The following FAT2 variants were observed in gnomAD, a reference collection of about 807,000 sequenced individuals.
FAT2 encodes the protein protocadherin Fat 2.
FAT2 carries 150 observed loss-of-function variants against 295.3 expected under a neutral mutation model. The observed-to-expected ratio is 0.51, with a 90% CI of 0.44 to 0.58. The LOEUF (loss-of-function observed/expected upper bound fraction) is 0.58, where lower values mean the gene tolerates loss of function less well. Among genes scored for constraint, FAT2 ranks in the 20% least tolerant of loss-of-function variants. The pLI is 0.00. For synonymous variants in FAT2, 2,026 were observed against 2,150.3 expected, an observed-to-expected ratio of 0.94 and a Z score of 1.60; for missense variants, 4,868 against 5,442.7, an observed-to-expected ratio of 0.89 and a Z score of 3.32.
intron 3 of FAT2, among the ~76,000 whole-genome samples, chr5:151,557,626 T>G (rs750017551): frequency 6.6e-6 from 1 of 152,240 alleles, no homozygotes; most frequent in Non-Finnish European, 1.5e-5. Flanking sequence ...ATTACATTAT[T>G]CCAACACTGG....
chr5:151,550,452 C>T, intron 8 of FAT2, 138 bp downstream of exon 8: 2 of 987,608 alleles, frequency 2.0e-6, no homozygotes, highest in Non-Finnish European at 3.0e-6. Context: ...TGCCCTTAGC[C>T]AGCTGTGAAA....
chr5:151,563,437 G>A lies in FAT2; in HGVS notation c.3462C>T (p.Thr1154=), dbSNP rs2127641799. 6.2e-7 allele frequency: 1 copy of A among 1,614,230 alleles called. No individual in the cohort carries two copies. The highest frequency in any genetic ancestry group is 8.5e-7 in the Non-Finnish European group (1 of 1,180,036). The change falls in exon 3 of 24, where the codon ACC becomes ACT. Residue 1154 remains threonine, a synonymous_variant. Transcript: ENST00000261800. The stretch of plus-strand genomic sequence containing the variant: ...CCCAGGCATCCAGTTGAAGCACAGA[G>A]GTGCCCACGGGAGCATCCTCCTGGA... The part of the protein sequence containing the change: ...PSIQEDAPVG[T]SVLQLDAWDP...
chr5:151,551,557 G>A lies in FAT2; in HGVS notation c.4206C>T (p.Ile1402=), dbSNP rs759316055. 8.1e-6 allele frequency: 13 copies of A among 1,614,178 alleles called. 1 individual carries two copies. Among genetic ancestry groups the A allele is most frequent in the East Asian group, 6.7e-5 (3 of 44,886 alleles). Residue 1402 remains isoleucine, a synonymous_variant, in exon 7 of 24, where the codon ATC becomes ATT. Transcript: ENST00000261800. ...TGGTATCAAGAGGCCTGGCAATGAC[G>A]ATGCTGCCTGTGGTCTTCTCAATGT... ...DFDIEKTTGS[I]VIARPLDTRR... is the part of the protein sequence containing the mutation.
rs61743237 is a variant in FAT2 at position 151,550,631 on chromosome 5, C to G, written c.4537G>C (p.Asp1513His). The change falls in exon 8 of 24, where the codon GAC (aspartate) becomes CAC (histidine). Residue 1513 changes from aspartate (D) to histidine (H), a missense_variant. Asp to His is a moderately conservative substitution (Grantham distance 81). Transcript: ENST00000261800. ...TGCTGGGAGGGCCCCGAGCCGAGGT[C>G]CAATTTTCCCACCGTTACCAGGACA... is the stretch of plus-strand genomic sequence containing the variant. ...SGVLVTVGKL[D>H]LGSGPSQHTL... The G allele has an allele frequency of 8.0e-5, 129 of 1,614,150 alleles. No individual in the cohort carries two copies. In the African/African-American group the frequency reaches 1.6e-3, roughly 21 times the overall value.
rs1394247065 is a variant in FAT2, at chr5:151,537,793, C to T, written c.9193G>A (p.Gly3065Arg). The change falls in exon 12 of 24, where the codon GGG becomes AGG. Residue 3065 changes from glycine to arginine, a missense_variant and splice_region_variant. This residue lies in a region of FAT2 where 1,046 missense variants were observed against 1,210.1 expected (regional missense o/e 0.86). Transcript: ENST00000261800. The stretch of plus-strand genomic sequence containing the variant: ...TGATCCTGCAGCTCAGGAAACCCAC[C>T]TGTATGAGGATCCAGCTTGAATTCA... ...AHEFKLDPHT[G>R]ELTTLTALDR... The T allele has an allele frequency of 1.2e-6, 2 of 1,608,506 alleles. No individual in the cohort carries two copies. The highest frequency in any genetic ancestry group is 3.4e-5 in the Admixed American group (2 of 59,542).
rs145740163 is a variant in FAT2 at position 151,521,573 on chromosome 5, C to T, written c.11020G>A (p.Ala3674Thr). Residue 3674 changes from alanine (A) to threonine (T), a missense_variant, in exon 19 of 24, where the codon GCA becomes ACA. Ala to Thr is a moderately conservative substitution (Grantham distance 58). Around this residue, in one of 5 missense-constraint regions of FAT2, gnomAD observed 1,046 missense variants for 1,210.1 expected, o/e 0.86. Transcript: ENST00000261800. ...ACATCCACACCAGCCACGGCCTCTG[C>T]AGGCTGGAGGCTGGCCAAGTGAATG... is the stretch of plus-strand genomic sequence containing the variant. ...ANIHLASLQPAEAVAGVDVLL... is the reference protein window; with the variant it reads ...ANIHLASLQPTEAVAGVDVLL... The T allele has an allele frequency of 1.2e-6, 2 of 1,614,190 alleles. No individual in the cohort carries two copies. Among genetic ancestry groups the T allele is most frequent in the African/African-American group, 1.3e-5 (1 of 75,064 alleles).
Position 151,540,554 on chromosome 5 carries a change from GCCAGGCTCTCA to G in FAT2, c.9039+2_9039+12del. The stretch of plus-strand genomic sequence containing the variant: ...GCCTTCACTACCCACTCCACCCCTC[GCCAGGCTCTCA>G]CCTGTGAACACTGTGGGCTGTTATC... On this transcript the variant is annotated splice_donor_variant and splice_donor_5th_base_variant and intron_variant, in intron 11 of 23. Transcript: ENST00000261800. LOFTEE classifies it high-confidence loss of function. The G allele has an allele frequency of 6.3e-7, 1 of 1,593,888 alleles. No individual in the cohort carries two copies. The highest frequency in any genetic ancestry group is 8.6e-7 in the Non-Finnish European group (1 of 1,166,376).
At chr5:151,575,755 C>T (rs1257593877) in intron 1 of FAT2, among the ~76,000 whole-genome samples, 1 of 152,134 alleles carries the variant, frequency 6.6e-6, no homozygotes, top group Non-Finnish European at 1.5e-5. Context: ...ATCCCAGAGG[C>T]CTGGAGTAGC....
chr5:151,529,370 G>T lies in FAT2; in HGVS notation c.9834C>A (p.Ser3278Arg). The T allele has an allele frequency of 6.2e-7, 1 of 1,613,940 alleles. No homozygotes were observed. Among genetic ancestry groups the T allele is most frequent in the Non-Finnish European group, 8.5e-7 (1 of 1,179,996 alleles). ...ARTGILYVNASLDFETSPKYF... is the reference protein window; with the variant it reads ...ARTGILYVNARLDFETSPKYF... ...ACTTGGGGCTTGTCTCAAAGTCCAG[G>T]CTTGCGTTGACATACAGGATCCCTG... Residue 3278 changes from serine to arginine, a missense_variant, in exon 15 of 24, where the codon AGC becomes AGA. Physicochemically the swap from Ser to Arg is moderately radical, Grantham distance 110. Around this residue, in one of 5 missense-constraint regions of FAT2, gnomAD observed 1,046 missense variants for 1,210.1 expected, o/e 0.86. Transcript: ENST00000261800.
At chr5:151,548,388 C>CTT (rs1314821420) in intron 9 of FAT2, among the ~76,000 whole-genome samples, 1 of 151,916 alleles carries the variant, frequency 6.6e-6, no homozygotes, top group Non-Finnish European at 1.5e-5. Context: ...GATATTATCG[C>CTT]TTTTGTTATA....
At position 151,546,329 on chromosome 5, in the gene FAT2, C is replaced by T. The variant is rs766173793; in HGVS notation, c.4798G>A (p.Glu1600Lys). Residue 1600 changes from glutamate (E) to lysine (K), a missense_variant, in exon 10 of 24, where the codon GAA becomes AAA. This residue lies in a region of FAT2 where 3,297 missense variants were observed against 3,669.4 expected (regional missense o/e 0.90). Coordinates refer to ENST00000261800, the MANE Select transcript of FAT2 (RefSeq NM_001447.3). ...VHYSLLKGNSEGFFNINALLG... is the reference protein window; with the variant it reads ...VHYSLLKGNSKGFFNINALLG... ...AGGGCATTGATGTTGAAGAAACCTT[C>T]GCTGTTCCCTGAAACAGAAGACAAG... 2.7e-5 allele frequency: 43 copies of T among 1,610,762 alleles called. No homozygotes were observed. The highest frequency in any genetic ancestry group is 6.7e-5 in the Admixed American group (4 of 59,850).
Position 151,568,794 on chromosome 5 carries a change from A to G in FAT2, c.138T>C (p.Ser46=). 6.2e-7 allele frequency: 1 copy of G among 1,614,218 alleles called. No homozygotes were observed. Residue 46 remains serine (S), a synonymous_variant, in exon 2 of 24, where the codon TCT becomes TCC. Transcript: ENST00000261800. ...AGCTCTCCACATAGGTCTTGGGAGAAGAATTTTCATAGATGGTGGCATTGT... is the reference window on the plus strand; with the variant it reads ...AGCTCTCCACATAGGTCTTGGGAGAGGAATTTTCATAGATGGTGGCATTGT... The part of the protein sequence containing the change: ...SHYNATIYEN[S]SPKTYVESFE...
rs753967403 is a variant in FAT2, at chr5:151,553,330, C to G, written c.4003G>C (p.Glu1335Gln). The stretch of plus-strand genomic sequence containing the variant: ...GACGGCCGGGGCCAAGGGATCCACT[C>G]AATGTGTAGCCGGACACTGGCTGAG... Reference protein sequence around the residue: ...PLSASVRLHIEWIPWPRPSSI... With the variant: ...PLSASVRLHIQWIPWPRPSSI... Residue 1335 changes from glutamate (E) to glutamine (Q), a missense_variant, in exon 6 of 24, where the codon GAG (glutamate) becomes CAG (glutamine). By Grantham distance (29) the Glu-to-Gln change is conservative. Transcript: ENST00000261800. The G allele has an allele frequency of 2.5e-6, 4 of 1,614,140 alleles. No individual in the cohort carries two copies. Among genetic ancestry groups the G allele is most frequent in the Non-Finnish European group, 3.4e-6 (4 of 1,180,060 alleles).
Position 151,566,442 on chromosome 5 carries a change from C to T in FAT2, c.2490G>A (p.Ser830=), listed in dbSNP as rs940616240. The T allele has an allele frequency of 1.4e-5, 22 of 1,613,110 alleles. No homozygotes were observed. The highest frequency in any genetic ancestry group is 4.5e-5 in the East Asian group (2 of 44,876). ...FPPGGYQLTI[S]EDTEVGTTIA... ...TTGTGGTTCCAACTTCTGTGTCCTC[C>T]GAGATGGTTAACTGGTACCCACCGG... The change falls in exon 2 of 24, where the codon TCG becomes TCA. Residue 830 remains serine (S), a synonymous_variant. Coordinates refer to ENST00000261800, the MANE Select transcript of FAT2 (RefSeq NM_001447.3).
At chr5:151,565,562 A>G (rs80055296) in intron 2 of FAT2, 111 bp downstream of exon 2, 26,782 of 1,112,618 alleles carry the variant, frequency 0.024, 414 homozygotes, top group Non-Finnish European at 0.029. Context: ...ATTGCCTTTC[A>G]TTTCAGCCTG....
Position 151,525,939 on chromosome 5 carries a change from G to A in FAT2, c.10335C>T (p.Val3445=), listed in dbSNP as rs1753936611. Residue 3445 remains valine, a synonymous_variant, in exon 18 of 24, where the codon GTC becomes GTT. Transcript: ENST00000261800. ...CTGGGTCACTCAGGATCAGCTGCAG[G>A]ACTTTGCTGCCAATGGGGGAGTTCT... The part of the protein sequence containing the change: ...VQENSPIGSK[V]LQLILSDPDS... 6.2e-7 allele frequency: 1 copy of A among 1,614,192 alleles called. No homozygotes were observed. The highest frequency in any genetic ancestry group is 8.5e-7 in the Non-Finnish European group (1 of 1,180,032).
At chr5:151,534,865 T>A (rs1755058360) in intron 12 of FAT2, among the ~76,000 whole-genome samples, 1 of 151,352 alleles carries the variant, frequency 6.6e-6, no homozygotes, top group Non-Finnish European at 1.5e-5. Flanking sequence ...TTTAAGATCA[T>A]CATCAACAAG....
chr5:151,534,173 GA>G (rs1754981962), intron 13 of FAT2, among the ~76,000 whole-genome samples: 1 of 152,182 alleles, frequency 6.6e-6, no homozygotes, highest in African/African-American at 2.4e-5. Flanking sequence ...AGTGGAAGGG[GA>G]GAAACAATAA....
intron 1 of FAT2, among the ~76,000 whole-genome samples, chr5:151,569,908 C>T (rs1352855349): frequency 6.6e-6 from 1 of 152,236 alleles, no homozygotes; most frequent in Non-Finnish European, 1.5e-5. Context: ...GGCTGTCAGC[C>T]CTGCCTCTGT....
Sources: gnomAD v4.1 joint callset for allele counts (sites outside exome capture counted in the v4.1 genomes callset) on GRCh38, gnomAD v4.1.1 for gene constraint, gnomAD v4.1.1 regional missense constraint, MANE v1.5 for transcripts, NCBI Gene and HGNC (gene_info 2026-07-23, HGNC 2026-07-21) for gene names.